Variants in KHDRBS2 observed in about 807,000 individuals in gnomAD.
KHDRBS2 encodes KH RNA binding domain containing, signal transduction associated 2, also known as KH domain-containing, RNA-binding, signal transduction-associated protein 2.
A neutral mutation model predicts 44.3 loss-of-function variants in KHDRBS2; 26 were observed. That is an observed-to-expected ratio of 0.59 (90% CI 0.43 to 0.81). The LOEUF is 0.81. Among genes scored for constraint, KHDRBS2 ranks in the 40% least tolerant of loss-of-function variants. The probability of loss-of-function intolerance (pLI) is 0.00; values close to 1 mark genes in which losing one functional copy is unlikely to be tolerated. For missense variants in KHDRBS2, 476 were observed against 433.1 expected (o/e 1.10, Z -0.88); for synonymous variants, 194 against 151.1 (o/e 1.28, Z -2.08).
chr6:62,273,740 T>G (rs1840462349), intron 1 of KHDRBS2, among the ~76,000 whole-genome samples: 1 of 152,118 alleles, frequency 6.6e-6, no homozygotes, highest in African/African-American at 2.4e-5. Context: ...ACTCTCCACC[T>G]GCATTTTTAC....
chr6:61,629,057 T>G, the KHDRBS2 span, among the ~76,000 whole-genome samples: 1 of 152,220 alleles, frequency 6.6e-6, no homozygotes, highest in East Asian at 1.9e-4. Flanking sequence ...AATTTAAATG[T>G]CCTTGAAATT....
intron 2 of KHDRBS2, among the ~76,000 whole-genome samples, chr6:62,149,135 A>C (rs1374208552): frequency 1.3e-5 from 2 of 152,090 alleles, no homozygotes; most frequent in East Asian, 3.9e-4. Context: ...AAATAAACAT[A>C]AACGATTGAG....
intron 2 of KHDRBS2, among the ~76,000 whole-genome samples, chr6:62,168,764 C>T (rs2150117242): frequency 6.6e-6 from 1 of 151,960 alleles, no homozygotes; most frequent in East Asian, 1.9e-4. Flanking sequence ...GTATTGAAGA[C>T]ATTTAAAACT....
chr6:61,941,146 G>A (rs1812050082), intron 4 of KHDRBS2, among the ~76,000 whole-genome samples: 2 of 152,150 alleles, frequency 1.3e-5, no homozygotes, highest in African/African-American at 2.4e-5. Context: ...GGGACAAGGG[G>A]ATTGCCGAGC....
intron 2 of KHDRBS2, among the ~76,000 whole-genome samples, chr6:62,075,112 C>A (rs1345090857): frequency 1.3e-5 from 2 of 151,834 alleles, no homozygotes; most frequent in African/African-American, 4.8e-5. Context: ...TGTTTTAACT[C>A]TTATGCTATG....
intron 6 of KHDRBS2, among the ~76,000 whole-genome samples, chr6:61,792,529 G>T (rs1279895794): frequency 1.3e-5 from 2 of 151,478 alleles, no homozygotes; most frequent in Admixed American, 6.6e-5. Flanking sequence ...AAAACACTGA[G>T]TTTGAAATTG....
the KHDRBS2 span, among the ~76,000 whole-genome samples, chr6:61,581,559 A>G: frequency 3.5e-5 from 5 of 142,792 alleles, no homozygotes; most frequent in African/African-American, 1.3e-4. Flanking sequence ...ACAATACACA[A>G]TATACAACAA....
At chr6:61,840,051 C>T (rs541250540) in intron 6 of KHDRBS2, among the ~76,000 whole-genome samples, 6 of 151,894 alleles carry the variant, frequency 4.0e-5, no homozygotes, top group African/African-American at 7.3e-5. Flanking sequence ...TAATATTTGT[C>T]TTCAATTATT....
the KHDRBS2 span, among the ~76,000 whole-genome samples, chr6:61,542,848 G>T: frequency 4.6e-5 from 7 of 151,978 alleles, no homozygotes; most frequent in African/African-American, 1.7e-4. Context: ...TTTGAGTGGA[G>T]TTTAGGAGAT....
At chr6:62,227,003 T>C (rs1831971256) in intron 1 of KHDRBS2, among the ~76,000 whole-genome samples, 1 of 152,128 alleles carries the variant, frequency 6.6e-6, no homozygotes, top group Admixed American at 6.6e-5. Context: ...CTTGGCTTTA[T>C]GGGCCCTTTT....
chr6:61,880,583 A>G (rs1800063434), intron 6 of KHDRBS2, among the ~76,000 whole-genome samples: 1 of 151,912 alleles, frequency 6.6e-6, no homozygotes, highest in African/African-American at 2.4e-5. Context: ...AAACATTTTA[A>G]TTTATTTGGA....
At chr6:62,223,228 G>A (rs1831191866) in intron 1 of KHDRBS2, among the ~76,000 whole-genome samples, 1 of 152,224 alleles carries the variant, frequency 6.6e-6, no homozygotes, top group African/African-American at 2.4e-5. Flanking sequence ...GCACTCGCAG[G>A]CTCAACACCG....
intron 6 of KHDRBS2, among the ~76,000 whole-genome samples, chr6:61,818,397 T>A (rs1789333508): frequency 6.6e-6 from 1 of 151,540 alleles, no homozygotes; most frequent in Non-Finnish European, 1.5e-5. Flanking sequence ...GAAGAAATAA[T>A]GATTAAAAAG....
chr6:61,920,704 T>C (rs1403655600), intron 4 of KHDRBS2, among the ~76,000 whole-genome samples: 2 of 151,968 alleles, frequency 1.3e-5, no homozygotes, highest in African/African-American at 4.8e-5. Context: ...GAAGCTATTC[T>C]TGACTGAGTA....
intron 1 of KHDRBS2, among the ~76,000 whole-genome samples, chr6:62,200,688 G>C (rs561623417): frequency 6.6e-6 from 1 of 152,196 alleles, no homozygotes; most frequent in African/African-American, 2.4e-5. Context: ...GATTCTTCAG[G>C]GATCTAGAAC....
the KHDRBS2 span, among the ~76,000 whole-genome samples, chr6:61,647,874 T>G: frequency 1.2e-4 from 18 of 152,238 alleles, no homozygotes; most frequent in African/African-American, 4.1e-4. Context: ...GGTCACAGAC[T>G]TCACAATATT....
chr6:61,918,583 C>A (rs570985095), intron 4 of KHDRBS2, among the ~76,000 whole-genome samples: 2 of 152,026 alleles, frequency 1.3e-5, no homozygotes, highest in East Asian at 3.9e-4. Flanking sequence ...AGATCCCTCA[C>A]CAGAACCCAA....
chr6:62,021,232 G>C (rs374930600), intron 3 of KHDRBS2, among the ~76,000 whole-genome samples: 21 of 151,952 alleles, frequency 1.4e-4, no homozygotes, highest in East Asian at 7.7e-4. Context: ...ACATACAGGA[G>C]AACAAAAGAC....
intron 1 of KHDRBS2, among the ~76,000 whole-genome samples, chr6:62,215,185 AT>A (rs776335239): frequency 8.5e-5 from 13 of 152,072 alleles, no homozygotes; most frequent in Admixed American, 2.0e-4. Flanking sequence ...AACTAAAAAA[AT>A]ATAACTTATA....
Sources: allele counts gnomAD v4.1 joint callset (sites outside exome capture counted in the v4.1 genomes callset), GRCh38; gene constraint gnomAD v4.1.1; transcripts MANE v1.5; gene names NCBI Gene and HGNC (gene_info 2026-07-23, HGNC 2026-07-21).